The following MTRF1 variants were observed in gnomAD, a reference collection of about 807,000 sequenced individuals.
MTRF1 encodes peptide chain release factor 1, mitochondrial.
Under a neutral mutation model 62.9 loss-of-function variants are expected in MTRF1, and 51 were observed. That is an observed-to-expected ratio of 0.81 (90% CI 0.65 to 1.02). The LOEUF (loss-of-function observed/expected upper bound fraction) is 1.02, where lower values mean the gene tolerates loss of function less well. MTRF1 is among the 50% of genes least tolerant of loss of function. The pLI is 0.00. For synonymous variants in MTRF1, 158 were observed against 181.9 expected (o/e 0.87, Z 1.06); for missense variants, 446 against 530.0 (o/e 0.84, Z 1.56).
chr13:41,274,778 G>A, the MTRF1 span, among the ~76,000 whole-genome samples: 1 of 151,628 alleles, frequency 6.6e-6, no homozygotes, highest in African/African-American at 2.4e-5. Context: ...TGGGATTACA[G>A]GCACGCTCCA....
chr13:41,248,255 G>A (rs1173152901), intron 5 of MTRF1, among the ~76,000 whole-genome samples: 1 of 152,176 alleles, frequency 6.6e-6, no homozygotes, highest in African/African-American at 2.4e-5. Flanking sequence ...CTGAGTAACT[G>A]AGGTTACAGC....
At chr13:41,289,503 T>C in the MTRF1 span, among the ~76,000 whole-genome samples, 6 of 152,200 alleles carry the variant, frequency 3.9e-5, no homozygotes, top group Non-Finnish European at 8.8e-5. Flanking sequence ...CTCAAAGTGC[T>C]AGGATTACAG....
At chr13:41,222,271 T>C (rs1307201852) in intron 9 of MTRF1, among the ~76,000 whole-genome samples, 2 of 152,176 alleles carry the variant, frequency 1.3e-5, no homozygotes, top group Non-Finnish European at 2.9e-5. Context: ...TCATCATTAA[T>C]ATATTTATAT....
chr13:41,295,150 T>C, the MTRF1 span, among the ~76,000 whole-genome samples: 1 of 152,340 alleles, frequency 6.6e-6, no homozygotes, highest in East Asian at 1.9e-4. Context: ...TGTCCTTCAA[T>C]GTTTTTATCA....
chr13:41,299,524 G>A, the MTRF1 span, among the ~76,000 whole-genome samples: 1 of 152,164 alleles, frequency 6.6e-6, no homozygotes, highest in Admixed American at 6.5e-5. Flanking sequence ...AGGAGGTGCT[G>A]TGAATACTAA....
chr13:41,306,652 C>A, the MTRF1 span, among the ~76,000 whole-genome samples: 1 of 152,132 alleles, frequency 6.6e-6, no homozygotes, highest in Non-Finnish European at 1.5e-5. Context: ...CGAGAAGAAT[C>A]AGTGGCCCAT....
At chr13:41,257,851 G>A in intron 2 of MTRF1, 1 of 398,212 alleles carries the variant, frequency 2.5e-6, no homozygotes, top group Non-Finnish European at 5.2e-6. Flanking sequence ...ACCTCATAAG[G>A]TTACCTGAGC....
In MTRF1 at chr13:41,229,372, G is replaced by A. The variant is rs376553077; in HGVS notation, c.989-2804C>T. The A allele has an allele frequency of 6.6e-5, 10 of 152,186 alleles. No homozygotes were observed. The East Asian group carries it at 9.6e-4, about 15-fold the overall frequency. The allele number at this position is 152,186 out of a possible 1,614,324, so 9.4% of individuals were successfully genotyped here. Reference sequence around the variant, plus strand: ...TTCTCTTCTAGCTTTCTGAAAATATGCAATAAATAAATCTATATTAACCAT... The same window carrying A: ...TTCTCTTCTAGCTTTCTGAAAATATACAATAAATAAATCTATATTAACCAT... On this transcript the variant is annotated intron_variant, in intron 7 of 9. Coordinates refer to ENST00000379480, the MANE Select transcript of MTRF1 (RefSeq NM_004294.4).
chr13:41,233,968 T>TATC lies in MTRF1; in HGVS notation c.907_909dup (p.Asp303dup). 1.2e-6 allele frequency: 2 copies of TATC among 1,614,164 alleles called. No homozygotes were observed. The highest frequency in any genetic ancestry group is 1.7e-6 in the Non-Finnish European group (2 of 1,179,980). On this transcript the variant is annotated inframe_insertion, in exon 7 of 10. Transcript: ENST00000379480. ...CCTCCTGCTCCTTTGGCTCGAAATG[T>TATC]ATCTATTCGCAAATCCTTGGGGTCC...
At chr13:41,268,352 CTT>C (rs1000222514), upstream of MTRF1, among the ~76,000 whole-genome samples, 16 of 151,990 alleles carry the variant, frequency 1.1e-4, no homozygotes, top group African/African-American at 2.9e-4. Context: ...CAAAAAAAGA[CTT>C]AATTTATAAT....
chr13:41,225,810 A>C (rs1367356373), intron 8 of MTRF1, among the ~76,000 whole-genome samples: 2 of 21,804 alleles, frequency 9.2e-5, no homozygotes, highest in South Asian at 1.6e-3. Context: ...TCTGTCATTA[A>C]AAAAAAAAAA....
intron 1 of MTRF1, chr13:41,262,410 C>T (rs1427811644): frequency 6.6e-6 from 1 of 150,854 alleles, no homozygotes; most frequent in Admixed American, 6.6e-5. Context: ...ATTATGAATA[C>T]CTTTTGCTTG....
chr13:41,264,241 A>C (rs150831492), upstream of MTRF1, among the ~76,000 whole-genome samples: 1,253 of 152,344 alleles, frequency 8.2e-3, 55 homozygotes, highest in Admixed American at 0.073. Flanking sequence ...TAACAGCCCC[A>C]AAAGTTAGGA....
intron 3 of MTRF1, among the ~76,000 whole-genome samples, chr13:41,254,323 T>C (rs1271127552): frequency 6.6e-6 from 1 of 152,198 alleles, no homozygotes; most frequent in Non-Finnish European, 1.5e-5. Flanking sequence ...TTTTTTTTTT[T>C]TTACCCTGGG....
chr13:41,228,860 C>G (rs2034982628), intron 7 of MTRF1, among the ~76,000 whole-genome samples: 1 of 152,148 alleles, frequency 6.6e-6, no homozygotes, highest in Non-Finnish European at 1.5e-5. Context: ...CTATATAGTT[C>G]TCACTTTGAA....
chr13:41,279,995 T>C, the MTRF1 span, among the ~76,000 whole-genome samples: 1 of 152,314 alleles, frequency 6.6e-6, no homozygotes, highest in South Asian at 2.1e-4. Flanking sequence ...TGGAGGACAG[T>C]GGCCCGATCT....
At chr13:41,270,728 A>G in the MTRF1 span, among the ~76,000 whole-genome samples, 9 of 140,280 alleles carry the variant, frequency 6.4e-5, no homozygotes, top group Non-Finnish European at 1.1e-4. Context: ...GCTTTTTATT[A>G]TTTTTTATTT....
At chr13:41,256,296 A>T (rs1344763416) in intron 2 of MTRF1, among the ~76,000 whole-genome samples, 1 of 151,882 alleles carries the variant, frequency 6.6e-6, no homozygotes, top group Non-Finnish European at 1.5e-5. Flanking sequence ...TGTCATCAGA[A>T]CTAATTCTAA....
chr13:41,272,172 A>T, the MTRF1 span, among the ~76,000 whole-genome samples: 1 of 152,220 alleles, frequency 6.6e-6, no homozygotes, highest in African/African-American at 2.4e-5. Flanking sequence ...CAATCTGCTC[A>T]TGACTCTTGA....
Sources: allele counts gnomAD v4.1 joint callset (sites outside exome capture counted in the v4.1 genomes callset), GRCh38; gene constraint gnomAD v4.1.1; transcripts MANE v1.5; gene names NCBI Gene and HGNC (gene_info 2026-07-23, HGNC 2026-07-21).